Variants in KIF24 observed in about 807,000 individuals in gnomAD.
KIF24 encodes kinesin-like protein KIF24.
In KIF24, 81 loss-of-function variants were observed where a neutral mutation model predicts 118.9. That is an observed-to-expected ratio of 0.68 (90% CI 0.57 to 0.82). The LOEUF (loss-of-function observed/expected upper bound fraction) is 0.82. Among genes scored for constraint, KIF24 ranks in the 40% least tolerant of loss-of-function variants. The pLI is 0.00. For synonymous variants in KIF24, 599 were observed against 610.0 expected, an observed-to-expected ratio of 0.98 and a Z score of 0.27; for missense variants, 1,560 against 1,661.6, an observed-to-expected ratio of 0.94 and a Z score of 1.06.
rs1449494422 is a variant in KIF24, at chr9:34,318,107, G to C, written c.-25-6736C>G. On this transcript the variant is annotated intron_variant, in intron 1 of 12. Transcript: ENST00000402558. The surrounding 1 kb of genome is among the most constrained non-coding windows in gnomAD (Gnocchi z 4.9). ...GTAGAAGCCTGATTAGAAAATTAGG[G>C]AGGAGAACAAACAAGTCTAAAGCTG... 6.6e-6 allele frequency among the ~76,000 whole-genome samples: 1 copy of C among 151,960 alleles called. No individual in the cohort carries two copies. Among genetic ancestry groups the C allele is most frequent in the Non-Finnish European group, 1.5e-5 (1 of 67,996 alleles).
At chr9:34,311,730 ATATATATACATATATACGTATATATGTG>A (rs1329442813) in intron 1 of KIF24, among the ~76,000 whole-genome samples, 2 of 147,260 alleles carry the variant, frequency 1.4e-5, no homozygotes, top group East Asian at 3.9e-4. Flanking sequence ...ATATACACGT[ATATATATACATATATACGTATATATGTG>A]TATATATACA....
At chr9:34,293,891 C>G (rs1223382614) in intron 4 of KIF24, among the ~76,000 whole-genome samples, 1 of 152,200 alleles carries the variant, frequency 6.6e-6, no homozygotes, top group Non-Finnish European at 1.5e-5. Flanking sequence ...CTGACGATAG[C>G]AGATATTGCA....
intron 6 of KIF24, among the ~76,000 whole-genome samples, chr9:34,283,385 TA>T (rs537139796): frequency 6.6e-6 from 1 of 151,318 alleles, no homozygotes; most frequent in Non-Finnish European, 1.5e-5. Context: ...AAATAAAAAA[TA>T]AAAAAAGAAT....
intron 2 of KIF24, among the ~76,000 whole-genome samples, chr9:34,308,219 T>G (rs1837003659): frequency 6.6e-6 from 1 of 152,104 alleles, no homozygotes; most frequent in Non-Finnish European, 1.5e-5. Context: ...CTGCCTGCCT[T>G]GGCCTCCCAA....
intron 4 of KIF24, 29 bp from the exon 5 acceptor site, chr9:34,290,418 T>C (rs781105331): frequency 1.3e-5 from 18 of 1,392,960 alleles, no homozygotes; most frequent in Middle Eastern, 1.8e-4. Flanking sequence ...GCATTACTTA[T>C]GCATATTAAG....
In KIF24 at chr9:34,257,578, T is replaced by G. The variant is rs1834902606; in HGVS notation, c.2029A>C (p.Asn677His). The change falls in exon 11 of 13, where the codon AAC becomes CAC. Residue 677 changes from asparagine to histidine, a missense_variant. Coordinates refer to ENST00000402558, the MANE Select transcript of KIF24 (RefSeq NM_194313.4). ...CTTTCCCACCCAAGGACAGTTTTGT[T>G]GCCCATTCGATTTTTCTCAGAGCAC... ...PLCSEKNRMG[N>H]KTVLGWESRA... is the part of the protein sequence containing the mutation. 1 of 1,613,966 alleles carries G rather than the reference T, an allele frequency of 6.2e-7. No homozygotes were observed. The highest frequency in any genetic ancestry group is 1.7e-5 in the Admixed American group (1 of 60,012).
At chr9:34,270,507 C>T (rs1223299595) in intron 7 of KIF24, among the ~76,000 whole-genome samples, 1 of 146,090 alleles carries the variant, frequency 6.8e-6, no homozygotes, top group Non-Finnish European at 1.5e-5. Context: ...TAGAGCGAGA[C>T]TCCGTCTCAA....
intron 1 of KIF24, among the ~76,000 whole-genome samples, chr9:34,328,677 T>C (rs72733124): frequency 0.013 from 1,940 of 151,884 alleles, 23 homozygotes; most frequent in Non-Finnish European, 0.02. Flanking sequence ...CCTGAAAATC[T>C]ACTATGTGCA....
intron 1 of KIF24, among the ~76,000 whole-genome samples, chr9:34,313,972 C>T (rs1457403801): frequency 6.7e-6 from 1 of 148,682 alleles, no homozygotes; most frequent in Non-Finnish European, 1.5e-5. Context: ...CCGGGCTAGT[C>T]TCAAACCCCT....
At chr9:34,258,096 T>C in intron 10 of KIF24, 115 bp from the exon 11 acceptor site, 1 of 779,576 alleles carries the variant, frequency 1.3e-6, no homozygotes, top group Non-Finnish European at 2.1e-6. Context: ...TTGGGAGTTA[T>C]TTCTTTATCT....
In KIF24 at chr9:34,256,079, T is replaced by C; in HGVS notation, c.3528A>G (p.Ala1176=). ...AGGAGCCATCCAGCCCCGTCTCCTC[T>C]GCATCAGCATCATACTGCTCACTAC... ...HMGSEQYDAD[A]EETGLDGSWG... Residue 1176 remains alanine, a synonymous_variant, in exon 11 of 13, where the codon GCA becomes GCG. Coordinates refer to ENST00000402558, the MANE Select transcript of KIF24 (RefSeq NM_194313.4). 1 of 1,613,994 alleles carries C rather than the reference T, an allele frequency of 6.2e-7. No homozygotes were observed. The highest frequency in any genetic ancestry group is 8.5e-7 in the Non-Finnish European group (1 of 1,179,862).
At chr9:34,276,802 T>C (rs1835675692) in intron 6 of KIF24, among the ~76,000 whole-genome samples, 1 of 152,354 alleles carries the variant, frequency 6.6e-6, no homozygotes, top group Middle Eastern at 3.4e-3. Context: ...ACTATATGGC[T>C]ACCACCTTTA....
intron 4 of KIF24, among the ~76,000 whole-genome samples, chr9:34,294,127 A>G (rs1022528508): frequency 6.6e-6 from 1 of 152,094 alleles, no homozygotes; most frequent in Non-Finnish European, 1.5e-5. Flanking sequence ...CTAATTAAAA[A>G]AATTTTTTTT....
rs770874834 is a variant in KIF24 at position 34,257,961 on chromosome 9, C to G, written c.1646G>C (p.Gly549Ala). ...YADRVKELKK[G>A]IKCCTSVTSR... ...GGTAACTGAAGTGCAACACTTAATG[C>G]CTTTCTTTAGTTCTTTGACCCTGTA... The change falls in exon 11 of 13, where the codon GGC becomes GCC. Residue 549 changes from glycine (G) to alanine (A), a missense_variant. Physicochemically the swap from Gly to Ala is moderately conservative, Grantham distance 60. Coordinates refer to ENST00000402558, the MANE Select transcript of KIF24 (RefSeq NM_194313.4). The G allele has an allele frequency of 2.0e-4, 319 of 1,607,098 alleles. No homozygotes were observed. The highest frequency in any genetic ancestry group is 2.6e-4 in the Non-Finnish European group (311 of 1,176,832).
intron 4 of KIF24, among the ~76,000 whole-genome samples, chr9:34,292,936 C>T (rs1258624758): frequency 6.6e-6 from 1 of 152,138 alleles, no homozygotes; most frequent in African/African-American, 2.4e-5. Flanking sequence ...CCCTATTATA[C>T]TTTAAAGAAT....
At chr9:34,269,159 T>C (rs1835405140) in intron 8 of KIF24, 98 bp downstream of exon 8, 2 of 662,930 alleles carry the variant, frequency 3.0e-6, no homozygotes, top group Admixed American at 4.9e-5. Context: ...ACAGGGCAGT[T>C]GCTTTGCTGA....
chr9:34,301,122 T>C (rs963927443), intron 3 of KIF24, among the ~76,000 whole-genome samples: 2 of 152,218 alleles, frequency 1.3e-5, no homozygotes. Context: ...AAGATTATTA[T>C]AGTTAATGTA....
chr9:34,308,056 A>C (rs1242063582), intron 2 of KIF24, among the ~76,000 whole-genome samples: 2 of 151,398 alleles, frequency 1.3e-5, no homozygotes, highest in Non-Finnish European at 2.9e-5. Flanking sequence ...CTGAAGCCTC[A>C]ACCTCCTGGG....
chr9:34,257,413 C>T lies in KIF24; in HGVS notation c.2194G>A (p.Glu732Lys), dbSNP rs1478162562. 1.9e-6 allele frequency: 3 copies of T among 1,614,072 alleles called. No individual in the cohort carries two copies. The highest frequency in any genetic ancestry group is 8.5e-7 in the Non-Finnish European group (1 of 1,179,906). Reference protein sequence around the residue: ...LSFGNAHHRAEYSQDSQRGTP... With the variant: ...LSFGNAHHRAKYSQDSQRGTP... ...CCCCTCTGGCTGTCTTGACTGTACT[C>T]AGCCCTGTGGTGGGCGTTGCCAAAG... Residue 732 changes from glutamate to lysine, a missense_variant, in exon 11 of 13, where the codon GAG becomes AAG. This residue lies in a region of KIF24 where 964 missense variants were observed against 988.0 expected (regional missense o/e 0.98). Transcript: ENST00000402558.
Sources: gnomAD v4.1 joint callset for allele counts (sites outside exome capture counted in the v4.1 genomes callset) on GRCh38, gnomAD v4.1.1 for gene constraint, gnomAD v4.1.1 regional missense constraint, Gnocchi (gnomAD v3.1) non-coding constraint, MANE v1.5 for transcripts, NCBI Gene and HGNC (gene_info 2026-07-23, HGNC 2026-07-21) for gene names.